BNC2: variants seen among roughly 807,000 people sequenced by gnomAD.
The protein encoded by BNC2 is basonuclin zinc finger protein 2.
In BNC2, 20 loss-of-function variants were observed where a neutral mutation model predicts 76.3. That is an observed-to-expected ratio of 0.26 (90% CI 0.18 to 0.38). The LOEUF (loss-of-function observed/expected upper bound fraction) is 0.38. Ranked by LOEUF, BNC2 falls within the 10% of genes least tolerant of loss-of-function variation. BNC2 has a pLI of 1.00. For missense variants in BNC2, 1,382 were observed against 1,399.8 expected (o/e 0.99, Z 0.20); for synonymous variants, 582 against 514.8 (o/e 1.13, Z -1.77).
chr9:16,491,638 A>G (rs1822282707), intron 5 of BNC2, among the ~76,000 whole-genome samples: 1 of 152,230 alleles, frequency 6.6e-6, no homozygotes, highest in South Asian at 2.1e-4. Flanking sequence ...ACAATGAAAG[A>G]GGATGGAAAT....
chr9:16,678,446 T>C (rs1213596141), intron 3 of BNC2, among the ~76,000 whole-genome samples: 1 of 151,494 alleles, frequency 6.6e-6, no homozygotes, highest in Non-Finnish European at 1.5e-5. Flanking sequence ...TTTCTGTATT[T>C]TTTTATTAGA....
chr9:16,615,647 TTTAA>T (rs1322002883), intron 3 of BNC2, among the ~76,000 whole-genome samples: 1 of 152,200 alleles, frequency 6.6e-6, no homozygotes, highest in Non-Finnish European at 1.5e-5. Context: ...AACATTCAGC[TTTAA>T]TTGTTTCCTC....
intron 1 of BNC2, among the ~76,000 whole-genome samples, chr9:16,846,562 C>A (rs535212680): frequency 5.3e-5 from 8 of 152,322 alleles, no homozygotes; most frequent in African/African-American, 1.9e-4. Flanking sequence ...AAGGCTGCAG[C>A]TCAGAAACTG....
Position 16,435,904 on chromosome 9 carries a change from T to G in BNC2, c.2290A>C (p.Ser764Arg). The G allele has an allele frequency of 1.2e-6, 2 of 1,614,076 alleles. No homozygotes were observed. Among genetic ancestry groups the G allele is most frequent in the Non-Finnish European group, 8.5e-7 (1 of 1,179,994 alleles). The change falls in exon 6 of 7, where the codon AGT becomes CGT. Residue 764 changes from serine (S) to arginine (R), a missense_variant. Around this residue, in one of 3 missense-constraint regions of BNC2, gnomAD observed 798 missense variants for 775.5 expected, o/e 1.03. Transcript: ENST00000380672. ...MNSERPDENH[S>R]EPSHQDVIKV... is the part of the protein sequence containing the mutation. ...ATGACGTCCTGGTGAGAGGGCTCAC[T>G]GTGGTTCTCATCAGGCCTCTCACTA...
chr9:16,799,919 C>T (rs960105874), intron 1 of BNC2, among the ~76,000 whole-genome samples: 47 of 152,066 alleles, frequency 3.1e-4, no homozygotes, highest in Non-Finnish European at 7.4e-5. Flanking sequence ...AACTTTGGCT[C>T]ACACAGAGAA....
chr9:16,483,947 T>TTAATAAA (rs1353604094), intron 5 of BNC2, among the ~76,000 whole-genome samples: 3 of 152,246 alleles, frequency 2.0e-5, no homozygotes, highest in African/African-American at 7.2e-5. Context: ...CCATGGGTAC[T>TTAATAAA]TAATAAATCC....
At chr9:16,496,156 G>A (rs572205284) in intron 5 of BNC2, among the ~76,000 whole-genome samples, 61 of 151,888 alleles carry the variant, frequency 4.0e-4, no homozygotes, top group African/African-American at 1.4e-3. Flanking sequence ...TGATCCGCCC[G>A]CCTCAGCCTC....
At chr9:16,580,619 T>C (rs1433629207) in intron 4 of BNC2, among the ~76,000 whole-genome samples, 1 of 152,196 alleles carries the variant, frequency 6.6e-6, no homozygotes, top group East Asian at 1.9e-4. Context: ...TAATGTAATA[T>C]GCACATGGAC....
At chr9:16,507,903 T>C (rs1296952935) in intron 5 of BNC2, among the ~76,000 whole-genome samples, 3 of 152,194 alleles carry the variant, frequency 2.0e-5, no homozygotes, top group Non-Finnish European at 4.4e-5. Context: ...CATTCCAAAA[T>C]AGAGTTAAAT....
chr9:16,542,936 G>A (rs1818369879), intron 5 of BNC2, among the ~76,000 whole-genome samples: 1 of 152,166 alleles, frequency 6.6e-6, no homozygotes, highest in East Asian at 1.9e-4. Context: ...GAAACAGATA[G>A]TAGACTAAGA....
At chr9:16,519,167 G>C (rs1224610035) in intron 5 of BNC2, among the ~76,000 whole-genome samples, 1 of 152,152 alleles carries the variant, frequency 6.6e-6, no homozygotes, top group African/African-American at 2.4e-5. Context: ...AGTGTCTAGG[G>C]ACTGTGTCTC....
intron 5 of BNC2, among the ~76,000 whole-genome samples, chr9:16,463,205 A>G (rs1821622635): frequency 6.6e-6 from 1 of 152,262 alleles, no homozygotes; most frequent in South Asian, 2.1e-4. Context: ...AATGAGAGTG[A>G]ATGACAGCAC....
At chr9:16,700,507 T>C (rs192887849) in intron 3 of BNC2, among the ~76,000 whole-genome samples, 28 of 152,244 alleles carry the variant, frequency 1.8e-4, no homozygotes, top group Admixed American at 1.6e-3. Flanking sequence ...CAACACCCTG[T>C]CTGTGCTGCG....
At chr9:16,513,595 C>T (rs529700711) in intron 5 of BNC2, among the ~76,000 whole-genome samples, 17 of 152,190 alleles carry the variant, frequency 1.1e-4, no homozygotes, top group African/African-American at 2.9e-4. Flanking sequence ...TGAGCCACCG[C>T]GCCAGGCCGA....
At chr9:16,578,603 G>T (rs903570841) in intron 4 of BNC2, among the ~76,000 whole-genome samples, 1 of 151,754 alleles carries the variant, frequency 6.6e-6, no homozygotes, top group Non-Finnish European at 1.5e-5. Flanking sequence ...TCTGAATTCT[G>T]TGAATGGCCA....
intron 5 of BNC2, among the ~76,000 whole-genome samples, chr9:16,537,856 G>A (rs1157304146): frequency 1.3e-5 from 2 of 152,146 alleles, no homozygotes; most frequent in Non-Finnish European, 2.9e-5. Context: ...AATCATACGT[G>A]AAAACCCTAT....
intron 5 of BNC2, among the ~76,000 whole-genome samples, chr9:16,458,586 C>A (rs1295790167): frequency 6.6e-6 from 1 of 152,170 alleles, no homozygotes; most frequent in Non-Finnish European, 1.5e-5. Flanking sequence ...ATGTAGGTAG[C>A]ATTTTTAAAA....
At chr9:16,640,893 G>C (rs1821475174) in intron 3 of BNC2, among the ~76,000 whole-genome samples, 1 of 152,102 alleles carries the variant, frequency 6.6e-6, no homozygotes, top group African/African-American at 2.4e-5. Flanking sequence ...ACTAACACTA[G>C]GATCCTGTTA....
chr9:16,419,260 G>C lies in BNC2; in HGVS notation c.3029C>G (p.Ala1010Gly). ...GESAHKAEAP[A>G]LPGSLGAEVS... The stretch of plus-strand genomic sequence containing the variant: ...TTCAGCCCCTAGGCTGCCAGGGAGG[G>C]CAGGGGCCTCGGCCTTGTGTGCCGA... Residue 1010 changes from alanine to glycine, a missense_variant, in exon 7 of 7, where the codon GCC becomes GGC. Ala to Gly is a moderately conservative substitution (Grantham distance 60, BLOSUM62 0). Transcript: ENST00000380672. 1 of 1,614,214 alleles carries C rather than the reference G, an allele frequency of 6.2e-7. No homozygotes were observed. The highest frequency in any genetic ancestry group is 8.5e-7 in the Non-Finnish European group (1 of 1,180,034).
Sources: allele counts gnomAD v4.1 joint callset (sites outside exome capture counted in the v4.1 genomes callset), GRCh38; gene constraint gnomAD v4.1.1; regional missense constraint gnomAD v4.1.1; transcripts MANE v1.5; gene names NCBI Gene and HGNC (gene_info 2026-07-23, HGNC 2026-07-21).